The following PRKAG2 variants were observed in gnomAD, a reference collection of about 807,000 sequenced individuals.
The protein encoded by PRKAG2 is protein kinase AMP-activated non-catalytic subunit gamma 2.
PRKAG2 carries 26 observed loss-of-function variants against 69.6 expected under a neutral mutation model. That is an observed-to-expected ratio of 0.37 (90% CI 0.27 to 0.52). The LOEUF (loss-of-function observed/expected upper bound fraction) is 0.52. PRKAG2 is among the 20% of genes least tolerant of loss of function. The pLI is 0.90. For missense variants in PRKAG2, 557 were observed against 740.0 expected, an observed-to-expected ratio of 0.75 and a Z score of 2.87; for synonymous variants, 293 against 285.0, an observed-to-expected ratio of 1.03 and a Z score of -0.28.
chr7:151,817,514 C>T (rs1181092987), intron 1 of PRKAG2, among the ~76,000 whole-genome samples: 1 of 152,164 alleles, frequency 6.6e-6, no homozygotes, highest in Non-Finnish European at 1.5e-5. Flanking sequence ...CATCCTTCCA[C>T]ACCCCCAGGC....
chr7:151,572,331 C>A (rs563368697), intron 9 of PRKAG2: 53 of 188,254 alleles, frequency 2.8e-4, no homozygotes, highest in African/African-American at 1.1e-3. Flanking sequence ...CAAGGCAAAT[C>A]TCTGAGGGCT....
chr7:151,857,570 G>A (rs570083764), intron 1 of PRKAG2, among the ~76,000 whole-genome samples: 53 of 152,336 alleles, frequency 3.5e-4, no homozygotes, highest in African/African-American at 1.2e-3. Flanking sequence ...GCGCCAGACG[G>A]CTCCGGCTTG....
In PRKAG2 at chr7:151,876,854, A is replaced by G. The variant is rs986067975; in HGVS notation, c.-234T>C. ...GGAACCCTCGTAGGCAAATCAGTCA[A>G]AGCCCGTCCCGGTTCTGGTGTCTCC... On this transcript the variant is annotated 5_prime_UTR_variant, in exon 1 of 16. Coordinates refer to ENST00000287878, the MANE Select transcript of PRKAG2 (RefSeq NM_016203.4). 9 of 579,986 alleles carry G rather than the reference A, an allele frequency of 1.6e-5. No homozygotes were observed. In the African/African-American group the frequency reaches 1.7e-4, roughly 11 times the overall value. The allele number at this position is 579,986 out of a possible 1,614,324, so 35.9% of individuals were successfully genotyped here. A position where few individuals can be genotyped will look rare whatever the true frequency, so the allele number is the denominator to read the frequency against.
At chr7:151,819,736 G>T (rs980650875) in intron 1 of PRKAG2, among the ~76,000 whole-genome samples, 2 of 114,820 alleles carry the variant, frequency 1.7e-5, no homozygotes, top group Admixed American at 8.4e-5. Flanking sequence ...TTGGGCTACT[G>T]CCTGGAGCCT....
At chr7:151,702,575 G>A (rs769594338) in intron 3 of PRKAG2, among the ~76,000 whole-genome samples, 1 of 152,218 alleles carries the variant, frequency 6.6e-6, no homozygotes, top group Non-Finnish European at 1.5e-5. Context: ...TGCCAGGTCC[G>A]CTCTGTACAC....
chr7:151,688,335 C>T (rs1835091633), intron 3 of PRKAG2, among the ~76,000 whole-genome samples: 1 of 152,220 alleles, frequency 6.6e-6, no homozygotes, highest in African/African-American at 2.4e-5. Context: ...TAACCTTGAT[C>T]TCTTCGAGAT....
chr7:151,644,563 G>C (rs1827252933), intron 4 of PRKAG2, among the ~76,000 whole-genome samples: 1 of 152,330 alleles, frequency 6.6e-6, no homozygotes, highest in East Asian at 1.9e-4. Flanking sequence ...TCTATGGATA[G>C]ACCCCATTTT....
intron 1 of PRKAG2, among the ~76,000 whole-genome samples, chr7:151,857,007 A>G (rs568986757): frequency 3.9e-4 from 60 of 152,248 alleles, no homozygotes; most frequent in African/African-American, 1.4e-3. Context: ...CTTTGTGTAA[A>G]AGGTGGTATC....
intron 3 of PRKAG2, among the ~76,000 whole-genome samples, chr7:151,713,935 A>G (rs1795727746): frequency 1.3e-5 from 2 of 152,202 alleles, no homozygotes; most frequent in South Asian, 4.1e-4. Context: ...AAGTCTTATG[A>G]AAAATGCAAA....
chr7:151,588,951 G>A (rs1812366467), intron 6 of PRKAG2, among the ~76,000 whole-genome samples: 1 of 152,182 alleles, frequency 6.6e-6, no homozygotes, highest in Admixed American at 6.5e-5. Context: ...TACTGTGCCA[G>A]TCATGAAGTT....
chr7:151,740,118 G>A (rs2073769716), intron 3 of PRKAG2, among the ~76,000 whole-genome samples: 1 of 152,190 alleles, frequency 6.6e-6, no homozygotes, highest in South Asian at 2.1e-4. Flanking sequence ...AACGCCTGCG[G>A]TCCCTCCAGC....
At chr7:151,562,826 G>T (rs1805373175) in intron 14 of PRKAG2, among the ~76,000 whole-genome samples, 1 of 151,668 alleles carries the variant, frequency 6.6e-6, no homozygotes, top group African/African-American at 2.4e-5. Flanking sequence ...AATTAGGCGG[G>T]CGCCTGTAGT....
intron 5 of PRKAG2, among the ~76,000 whole-genome samples, chr7:151,615,483 C>T (rs1048847777): frequency 1.3e-5 from 2 of 152,078 alleles, no homozygotes; most frequent in South Asian, 2.1e-4. Context: ...CTAGGAAATA[C>T]CATTCTGGAC....
intron 3 of PRKAG2, among the ~76,000 whole-genome samples, chr7:151,717,525 G>A (rs998909452): frequency 1.3e-5 from 2 of 152,190 alleles, no homozygotes; most frequent in African/African-American, 4.8e-5. Flanking sequence ...GGAAAGGGCA[G>A]AAAACAGGTG....
At chr7:151,676,852 A>G (rs937375693) in intron 3 of PRKAG2, among the ~76,000 whole-genome samples, 8 of 152,204 alleles carry the variant, frequency 5.3e-5, no homozygotes. Context: ...AGGAAAAGAG[A>G]CACAGAAACG....
intron 9 of PRKAG2, among the ~76,000 whole-genome samples, chr7:151,571,565 T>C (rs1358659738): frequency 2.0e-5 from 3 of 152,194 alleles, no homozygotes; most frequent in African/African-American, 7.2e-5. Flanking sequence ...GCATTATTAT[T>C]ACTACAAAAT....
At chr7:151,849,954 C>T (rs187355370) in intron 1 of PRKAG2, among the ~76,000 whole-genome samples, 17 of 152,298 alleles carry the variant, frequency 1.1e-4, no homozygotes, top group South Asian at 2.1e-4. Flanking sequence ...GCATGCTGGG[C>T]GTGTTCCCAC....
At chr7:151,874,047 T>A (rs1292834558) in intron 1 of PRKAG2, among the ~76,000 whole-genome samples, 1 of 147,896 alleles carries the variant, frequency 6.8e-6, no homozygotes, top group African/African-American at 2.5e-5. Context: ...ATGATGTATA[T>A]GTATGTATAT....
intron 3 of PRKAG2, among the ~76,000 whole-genome samples, chr7:151,725,305 T>A (rs1797757860): frequency 6.6e-6 from 1 of 152,074 alleles, no homozygotes; most frequent in Admixed American, 6.5e-5. Flanking sequence ...AAATACTGTC[T>A]GATTCCGCTG....
Sources: allele counts gnomAD v4.1 joint callset (sites outside exome capture counted in the v4.1 genomes callset), GRCh38; gene constraint gnomAD v4.1.1; transcripts MANE v1.5; gene names NCBI Gene and HGNC (gene_info 2026-07-23, HGNC 2026-07-21).